Variants in USH2A observed in about 807,000 individuals in gnomAD.
The protein encoded by USH2A is usherin.
In USH2A, 443 loss-of-function variants were observed where a neutral mutation model predicts 538.9. That is an observed-to-expected ratio of 0.82 (90% CI 0.76 to 0.89). The LOEUF (loss-of-function observed/expected upper bound fraction) is 0.89, where lower values mean the gene tolerates loss of function less well. Among genes scored for constraint, USH2A ranks in the 40% least tolerant of loss-of-function variants. The pLI, the probability that USH2A is intolerant of heterozygous loss-of-function variation, is 0.00. For missense variants in USH2A, 6,633 were observed against 6,324.8 expected, an observed-to-expected ratio of 1.05 and a Z score of -1.65; for synonymous variants, 2,413 against 2,273.5, an observed-to-expected ratio of 1.06 and a Z score of -1.75.
chr1:215,852,311 C>T (rs1015934023), intron 44 of USH2A, among the ~76,000 whole-genome samples: 1 of 152,258 alleles, frequency 6.6e-6, no homozygotes, highest in African/African-American at 2.4e-5. Flanking sequence ...CATCAGATCT[C>T]ATCAGACTTA....
At chr1:216,088,681 A>G (rs1411162989) in intron 23 of USH2A, among the ~76,000 whole-genome samples, 1 of 152,194 alleles carries the variant, frequency 6.6e-6, no homozygotes, top group Non-Finnish European at 1.5e-5. Context: ...CCAAATGCAG[A>G]CAAAAACTGC....
chr1:215,994,247 T>C (rs1216116723), intron 34 of USH2A, among the ~76,000 whole-genome samples: 1 of 152,194 alleles, frequency 6.6e-6, no homozygotes, highest in Non-Finnish European at 1.5e-5. Context: ...CAGATATTAC[T>C]AAGATAAAAA....
intron 40 of USH2A, among the ~76,000 whole-genome samples, chr1:215,898,523 G>A (rs1665407179): frequency 6.6e-6 from 1 of 152,092 alleles, no homozygotes; most frequent in African/African-American, 2.4e-5. Context: ...AAATTGTGGG[G>A]AGATTACCGC....
intron 8 of USH2A, among the ~76,000 whole-genome samples, chr1:216,323,160 A>G (rs2037650338): frequency 6.6e-6 from 1 of 151,264 alleles, no homozygotes; most frequent in African/African-American, 2.4e-5. Context: ...CAAGTAAAAT[A>G]TTGGATAAAT....
At chr1:215,922,463 G>A (rs1278042544) in intron 38 of USH2A, among the ~76,000 whole-genome samples, 4 of 152,132 alleles carry the variant, frequency 2.6e-5, no homozygotes, top group African/African-American at 9.7e-5. Context: ...AAGACCAGTT[G>A]AGCATGGAGG....
chr1:216,000,741 T>C lies in USH2A; in HGVS notation c.6326-179A>G, dbSNP rs541458614. 3.2e-3 allele frequency among the ~76,000 whole-genome samples: 480 copies of C among 152,292 alleles called. 1 individual carries two copies. The highest frequency in any genetic ancestry group is 0.011 in the African/African-American group (458 of 41,572). On this transcript the variant is annotated intron_variant, in intron 32 of 71. Transcript: ENST00000307340. ...GATGCTTCATCCCTTAAATATACTT[T>C]GGTTATGTTTAAATAGACAAGTGTC...
intron 4 of USH2A, among the ~76,000 whole-genome samples, chr1:216,363,106 T>G (rs1472980711): frequency 6.6e-6 from 1 of 152,072 alleles, no homozygotes; most frequent in Admixed American, 6.6e-5. Context: ...TAATATTATT[T>G]CTCAGTTTTC....
At chr1:216,174,495 A>G in intron 21 of USH2A, 7 of 985,448 alleles carry the variant, frequency 7.1e-6, no homozygotes, top group Non-Finnish European at 8.4e-6. Context: ...GTGCTGGTAC[A>G]GAGTTCAATC....
chr1:216,361,231 A>C (rs2038485323), intron 4 of USH2A, among the ~76,000 whole-genome samples: 1 of 152,118 alleles, frequency 6.6e-6, no homozygotes, highest in South Asian at 2.1e-4. Context: ...TTTGACCCCT[A>C]CCTTATATAA....
chr1:216,407,139 C>A (rs1303833440), intron 3 of USH2A, among the ~76,000 whole-genome samples: 1 of 152,010 alleles, frequency 6.6e-6, no homozygotes, highest in Non-Finnish European at 1.5e-5. Context: ...CCCTTCCTCC[C>A]ACCCCAGGTT....
At chr1:215,662,913 A>G (rs1657489210) in intron 64 of USH2A, among the ~76,000 whole-genome samples, 2 of 152,236 alleles carry the variant, frequency 1.3e-5, no homozygotes, top group South Asian at 4.1e-4. Flanking sequence ...TAAATGTGAT[A>G]TAGAAAAGAG....
chr1:215,885,419 G>A (rs189699768), intron 41 of USH2A, among the ~76,000 whole-genome samples: 5 of 152,090 alleles, frequency 3.3e-5, no homozygotes, highest in Non-Finnish European at 7.4e-5. Context: ...ACTCATAAAT[G>A]AAATTAGTCT....
chr1:216,146,470 G>C (rs558487843), intron 21 of USH2A, among the ~76,000 whole-genome samples: 1 of 152,138 alleles, frequency 6.6e-6, no homozygotes, highest in Non-Finnish European at 1.5e-5. Flanking sequence ...GTCAGACCAC[G>C]CAGGGACACC....
intron 32 of USH2A, among the ~76,000 whole-genome samples, chr1:216,037,919 A>C (rs1273444771): frequency 6.6e-6 from 1 of 151,712 alleles, no homozygotes; most frequent in Non-Finnish European, 1.5e-5. Context: ...GCTCTCACTT[A>C]TAAGTGAGAA....
At chr1:215,900,027 G>A (rs2102469411) in intron 40 of USH2A, 48 bp downstream of exon 40, 1 of 1,612,510 alleles carries the variant, frequency 6.2e-7, no homozygotes. Flanking sequence ...GACATTTTAA[G>A]CTCCCTATGT....
intron 32 of USH2A, among the ~76,000 whole-genome samples, chr1:216,043,113 G>C (rs571566343): frequency 1.3e-5 from 2 of 151,980 alleles, no homozygotes; most frequent in Non-Finnish European, 2.9e-5. Flanking sequence ...TAGAGTTCTG[G>C]CAAGGGAAAA....
At chr1:216,077,628 ATC>A (rs1254926339) in intron 27 of USH2A, among the ~76,000 whole-genome samples, 2 of 146,340 alleles carry the variant, frequency 1.4e-5, no homozygotes, top group African/African-American at 2.5e-5. Context: ...ATAATTATGT[ATC>A]TCACATATAA....
intron 16 of USH2A, among the ~76,000 whole-genome samples, chr1:216,206,668 A>G (rs1010015051): frequency 1.3e-5 from 2 of 152,252 alleles, no homozygotes; most frequent in African/African-American, 2.4e-5. Context: ...CCATTTATTG[A>G]TATGTGAACT....
intron 49 of USH2A, among the ~76,000 whole-genome samples, 197 bp downstream of exon 49, chr1:215,813,539 G>A (rs757268081): frequency 9.2e-5 from 14 of 152,062 alleles, no homozygotes; most frequent in Admixed American, 1.3e-4. Flanking sequence ...CTGTTCTCTC[G>A]TTTTCTAATA....
Sources: gnomAD v4.1 joint callset for allele counts (sites outside exome capture counted in the v4.1 genomes callset) on GRCh38, gnomAD v4.1.1 for gene constraint, MANE v1.5 for transcripts, NCBI Gene and HGNC (gene_info 2026-07-23, HGNC 2026-07-21) for gene names.